Variants in COL19A1 observed in about 807,000 individuals in gnomAD.
COL19A1 encodes the protein collagen alpha-1(XIX) chain.
A neutral mutation model predicts 190.2 loss-of-function variants in COL19A1; 159 were observed. The ratio of observed to expected loss-of-function variants is 0.84; its 90% CI spans 0.73 to 0.95. COL19A1 has a LOEUF of 0.95. COL19A1 is among the 40% of genes least tolerant of loss of function. COL19A1 has a pLI of 0.00. For missense variants in COL19A1, 1,418 were observed against 1,431.9 expected (o/e 0.99, Z 0.16); for synonymous variants, 509 against 458.9 (o/e 1.11, Z -1.39).
intron 4 of COL19A1, among the ~76,000 whole-genome samples, chr6:69,924,793 T>C (rs909120596): frequency 1.3e-5 from 2 of 152,184 alleles, no homozygotes; most frequent in African/African-American, 4.8e-5. Flanking sequence ...TGGTGTGAGA[T>C]GGTATCTCAT....
chr6:70,166,882 G>A (rs1419395100), intron 37 of COL19A1, among the ~76,000 whole-genome samples: 1 of 152,118 alleles, frequency 6.6e-6, no homozygotes, highest in East Asian at 1.9e-4. Flanking sequence ...CTTCCCCCGT[G>A]GGCAGAACAG....
intron 16 of COL19A1, among the ~76,000 whole-genome samples, chr6:70,120,163 A>G (rs1784806273): frequency 6.6e-6 from 1 of 152,190 alleles, no homozygotes; most frequent in South Asian, 2.1e-4. Flanking sequence ...AGACTGTATT[A>G]TTAATTTTTA....
chr6:70,095,360 T>G (rs950735922), intron 15 of COL19A1, among the ~76,000 whole-genome samples: 2 of 152,174 alleles, frequency 1.3e-5, no homozygotes, highest in Non-Finnish European at 2.9e-5. Flanking sequence ...TTCTAAAGGA[T>G]GCACACTACA....
chr6:70,169,837 T>C (rs573934603), intron 40 of COL19A1, among the ~76,000 whole-genome samples: 10 of 152,288 alleles, frequency 6.6e-5, no homozygotes, highest in Non-Finnish European at 1.3e-4. Context: ...AAACAGCTTC[T>C]CTGAATCATT....
Position 70,151,882 on chromosome 6 carries a change from G to A in COL19A1, c.2079+444G>A, listed in dbSNP as rs12664621. Among the ~76,000 whole-genome samples the A allele has an allele frequency of 2.8e-4, 42 of 152,142 alleles. No homozygotes were observed. The East Asian group carries it at 7.2e-3, about 26-fold the overall frequency. ...GAAAATCAGTGCTGCTCTATAAATA[G>A]CCACTTACAAGGCTGAATTTTGATG... On this transcript the variant is annotated intron_variant, in intron 31 of 50. Coordinates refer to ENST00000620364, the MANE Select transcript of COL19A1 (RefSeq NM_001858.6).
chr6:69,945,924 A>G (rs1395563967), intron 9 of COL19A1, among the ~76,000 whole-genome samples: 1 of 152,034 alleles, frequency 6.6e-6, no homozygotes, highest in Non-Finnish European at 1.5e-5. Flanking sequence ...TGAATTTGTG[A>G]TAGTGCTTTT....
At chr6:70,054,741 C>A (rs934512611) in intron 14 of COL19A1, among the ~76,000 whole-genome samples, 6 of 151,974 alleles carry the variant, frequency 3.9e-5, no homozygotes, top group Non-Finnish European at 7.4e-5. Flanking sequence ...TTTGGGAAAA[C>A]ACAAATTTGG....
intron 15 of COL19A1, among the ~76,000 whole-genome samples, chr6:70,085,246 C>T (rs1019452193): frequency 6.6e-6 from 1 of 152,170 alleles, no homozygotes; most frequent in Admixed American, 6.5e-5. Context: ...AGAAGTGTGA[C>T]TAGCCAGTGG....
At chr6:70,010,315 T>A (rs1278564896) in intron 11 of COL19A1, among the ~76,000 whole-genome samples, 2 of 151,944 alleles carry the variant, frequency 1.3e-5, no homozygotes, top group African/African-American at 4.8e-5. Context: ...ACATGATTAG[T>A]CATTAGGAAA....
At chr6:69,894,279 A>G (rs2149964234) in intron 2 of COL19A1, among the ~76,000 whole-genome samples, 1 of 152,342 alleles carries the variant, frequency 6.6e-6, no homozygotes, top group South Asian at 2.1e-4. Flanking sequence ...TTTGTGTGCT[A>G]ACTGCAGCCA....
At chr6:70,205,843 T>C (rs1767815787) in intron 49 of COL19A1, among the ~76,000 whole-genome samples, 1 of 152,228 alleles carries the variant, frequency 6.6e-6, no homozygotes, top group Non-Finnish European at 1.5e-5. Flanking sequence ...AGACAGATCT[T>C]AGACCTAATT....
At chr6:70,170,196 T>A (rs1765414033) in intron 40 of COL19A1, among the ~76,000 whole-genome samples, 1 of 152,170 alleles carries the variant, frequency 6.6e-6, no homozygotes, top group Admixed American at 6.5e-5. Flanking sequence ...TCATCCTGGA[T>A]GAAACTTTGA....
At chr6:70,124,276 C>T (rs1785063963) in intron 17 of COL19A1, among the ~76,000 whole-genome samples, 2 of 152,098 alleles carry the variant, frequency 1.3e-5, no homozygotes, top group South Asian at 4.1e-4. Context: ...AATAAGTTGG[C>T]TCTGATGTCA....
intron 18 of COL19A1, among the ~76,000 whole-genome samples, chr6:70,137,307 T>C (rs186691603): frequency 3.3e-5 from 5 of 152,156 alleles, no homozygotes; most frequent in African/African-American, 4.8e-5. Context: ...GTCTGGATTA[T>C]TGTGCCAGTT....
chr6:69,985,030 C>G (rs1776239781), intron 11 of COL19A1, among the ~76,000 whole-genome samples: 1 of 152,136 alleles, frequency 6.6e-6, no homozygotes, highest in East Asian at 1.9e-4. Context: ...TGGGTAGGTT[C>G]AAAATGTCTC....
At chr6:70,183,801 A>G (rs1766330682) in intron 44 of COL19A1, among the ~76,000 whole-genome samples, 1 of 152,196 alleles carries the variant, frequency 6.6e-6, no homozygotes, top group African/African-American at 2.4e-5. Context: ...AGCACAATAA[A>G]AGTCCCTTGG....
At position 69,879,700 on chromosome 6, in the gene COL19A1, A is replaced by G. The variant is rs542123689; in HGVS notation, c.91+42A>G. On this transcript the variant is annotated intron_variant, in intron 2 of 50. Coordinates refer to ENST00000620364, the MANE Select transcript of COL19A1 (RefSeq NM_001858.6). ...TTTGCCTAATCACCAAATGTTATTT[A>G]TAGCCTTTAAGTCATTAAAACAAAT... 1.5e-5 allele frequency: 24 copies of G among 1,562,714 alleles called. 1 individual carries two copies. Among genetic ancestry groups the G allele is most frequent in the South Asian group, 1.4e-4 (13 of 89,808 alleles).
At position 70,149,749 on chromosome 6, in the gene COL19A1, TTAAC is replaced by T; in HGVS notation, c.1929+14_1929+17del. The stretch of plus-strand genomic sequence containing the variant: ...AGAGCCAGGTATTCAGGTAAGCTAT[TTAAC>T]TAATTTTTTAGCACAGCAAAGCCAG... On this transcript the variant is annotated intron_variant, in intron 28 of 50. Coordinates refer to ENST00000620364, the MANE Select transcript of COL19A1 (RefSeq NM_001858.6). 4 of 1,613,564 alleles carry T rather than the reference TTAAC, an allele frequency of 2.5e-6. No individual in the cohort carries two copies. The highest frequency in any genetic ancestry group is 1.3e-5 in the African/African-American group (1 of 75,018).
Position 70,156,332 on chromosome 6 carries a change from G to A in COL19A1, c.2201G>A (p.Arg734Gln), listed in dbSNP as rs201036860. 29 of 1,613,138 alleles carry A rather than the reference G, an allele frequency of 1.8e-5. No individual in the cohort carries two copies. The highest frequency in any genetic ancestry group is 1.0e-4 in the Admixed American group (6 of 59,874). ...SMARKGDIGP[R>Q]GPPGIPGREG... ...GTCTTCTAGGGTGATATAGGGCCAC[G>A]GGGTCCTCCAGGAATCCCAGGAAGA... The change falls in exon 33 of 51, where the codon CGG becomes CAG. Residue 734 changes from arginine to glutamine, a missense_variant. By Grantham distance (43) the Arg-to-Gln change is conservative. Transcript: ENST00000620364.
Sources: allele counts gnomAD v4.1 joint callset (sites outside exome capture counted in the v4.1 genomes callset), GRCh38; gene constraint gnomAD v4.1.1; transcripts MANE v1.5; gene names NCBI Gene and HGNC (gene_info 2026-07-23, HGNC 2026-07-21).